SP3: variants seen among roughly 807,000 people sequenced by gnomAD.
The protein encoded by SP3 is transcription factor Sp3.
A neutral mutation model predicts 70.3 loss-of-function variants in SP3; 10 were observed. That is an observed-to-expected ratio of 0.14 (90% CI 0.09 to 0.24). The LOEUF is 0.24. Ranked by LOEUF, SP3 falls within the 10% of genes least tolerant of loss-of-function variation. The probability of loss-of-function intolerance (pLI) is 1.00; values close to 1 mark genes in which losing one functional copy is unlikely to be tolerated. For missense variants in SP3, 825 were observed against 914.6 expected, an observed-to-expected ratio of 0.90 and a Z score of 1.26; for synonymous variants, 402 against 333.5, an observed-to-expected ratio of 1.21 and a Z score of -2.24.
At chr2:173,934,153 T>C (rs1559098822) in intron 4 of SP3, among the ~76,000 whole-genome samples, 1 of 151,690 alleles carries the variant, frequency 6.6e-6, no homozygotes, top group Non-Finnish European at 1.5e-5. Context: ...CACAGTAGGA[T>C]CACATGAGCC....
At chr2:173,933,668 ATAT>A (rs2105475150) in intron 4 of SP3, among the ~76,000 whole-genome samples, 1 of 141,980 alleles carries the variant, frequency 7.0e-6, no homozygotes, top group African/African-American at 2.6e-5. Context: ...ATATATATAT[ATAT>A]AAAAGTTATA....
intron 3 of SP3, among the ~76,000 whole-genome samples, chr2:173,960,311 A>T (rs1489925142): frequency 6.6e-6 from 1 of 152,240 alleles, no homozygotes; most frequent in Non-Finnish European, 1.5e-5. Context: ...ATTGCATAGC[A>T]TTTGGAAATG....
chr2:173,954,743 CAT>C (rs1380846015), intron 4 of SP3, 128 bp downstream of exon 4: 12 of 836,426 alleles, frequency 1.4e-5, no homozygotes, highest in Middle Eastern at 2.7e-4. Flanking sequence ...TTCATACAAA[CAT>C]ATTTTCATAC....
intron 4 of SP3, among the ~76,000 whole-genome samples, chr2:173,951,959 T>C (rs1343244439): frequency 2.6e-5 from 4 of 152,212 alleles, no homozygotes; most frequent in East Asian, 1.9e-4. Context: ...ATCCATCTCA[T>C]CAGAAAAATA....
intron 4 of SP3, among the ~76,000 whole-genome samples, chr2:173,922,486 T>C (rs1015488344): frequency 3.3e-5 from 5 of 151,814 alleles, no homozygotes; most frequent in Non-Finnish European, 5.9e-5. Context: ...GGAGTTCAGG[T>C]AGAAATCTGG....
chr2:173,933,295 T>C (rs932729997), intron 4 of SP3, among the ~76,000 whole-genome samples: 2 of 152,190 alleles, frequency 1.3e-5, no homozygotes, highest in Non-Finnish European at 2.9e-5. Context: ...TTGTATTTTA[T>C]TACACTTACA....
chr2:173,961,147 A>G (rs1227082791), intron 3 of SP3, among the ~76,000 whole-genome samples: 1 of 152,236 alleles, frequency 6.6e-6, no homozygotes, highest in African/African-American at 2.4e-5. Flanking sequence ...CCACAACTTA[A>G]GTACAAAGGA....
intron 4 of SP3, among the ~76,000 whole-genome samples, chr2:173,933,662 A>ATATATATATATATATC (rs1241514761): frequency 7.0e-6 from 1 of 143,090 alleles, no homozygotes; most frequent in Non-Finnish European, 1.5e-5. Context: ...ATATATATAT[A>ATATATATATATATATC]TATATATATA....
At chr2:173,942,957 G>A (rs1353002142) in intron 4 of SP3, among the ~76,000 whole-genome samples, 1 of 152,082 alleles carries the variant, frequency 6.6e-6, no homozygotes, top group African/African-American at 2.4e-5. Flanking sequence ...GTAACTAAGA[G>A]ATGATTTAAA....
chr2:173,918,970 T>C lies in SP3; in HGVS notation c.1640-185A>G, dbSNP rs371594811. Among the ~76,000 whole-genome samples the C allele has an allele frequency of 2.6e-5, 4 of 152,154 alleles. No homozygotes were observed. The South Asian group carries it at 6.2e-4, about 24-fold the overall frequency. On this transcript the variant is annotated intron_variant, in intron 4 of 6. Transcript: ENST00000310015. ...CTATTCTTCAAGACTAGTTGGAGAG[T>C]AATCTCCTGTATAAATGCTTATAGT...
chr2:173,912,397 C>G (rs189460505), intron 6 of SP3, among the ~76,000 whole-genome samples: 2 of 152,306 alleles, frequency 1.3e-5, no homozygotes, highest in East Asian at 3.9e-4. Flanking sequence ...TCCAAGCTCT[C>G]TAGGGATTGT....
intron 3 of SP3, among the ~76,000 whole-genome samples, chr2:173,962,116 A>G (rs567227734): frequency 6.6e-6 from 1 of 152,274 alleles, no homozygotes; most frequent in Non-Finnish European, 1.5e-5. Flanking sequence ...CTGAAGAAGC[A>G]TGGAAACTTC....
intron 4 of SP3, among the ~76,000 whole-genome samples, chr2:173,925,477 T>C (rs1689888307): frequency 6.6e-6 from 1 of 152,158 alleles, no homozygotes. Context: ...AGATGAAAAA[T>C]TCTAGAGATG....
intron 4 of SP3, among the ~76,000 whole-genome samples, chr2:173,936,757 C>T (rs779038945): frequency 2.0e-5 from 3 of 151,962 alleles, no homozygotes; most frequent in South Asian, 2.1e-4. Context: ...TAATATCTTA[C>T]GAACCATTTT....
chr2:173,963,805 C>T lies in SP3; in HGVS notation c.235G>A (p.Glu79Lys). Residue 79 changes from glutamate (E) to lysine (K), a missense_variant, in exon 3 of 7, where the codon GAG becomes AAG. Around this residue, in one of 4 missense-constraint regions of SP3, gnomAD observed 678 missense variants for 651.6 expected, o/e 1.04. Transcript: ENST00000310015. ...IGPPSPGDDE[E>K]EAAAAAGAPA... ...GCCCCGGCTGCGGCGGCCGCCTCCT[C>T]CTCGTCGTCGCCCGGCGATGGCGGC... The T allele has an allele frequency of 6.9e-7, 1 of 1,453,818 alleles. No homozygotes were observed. Among genetic ancestry groups the T allele is most frequent in the Non-Finnish European group, 9.1e-7 (1 of 1,092,910 alleles). The allele number at this position is 1,453,818 out of a possible 1,614,324, so 90.1% of individuals were successfully genotyped here.
chr2:173,904,330 T>C lies in SP3; in HGVS notation c.*5611A>G, dbSNP rs1559084822. On this transcript the variant is annotated 3_prime_UTR_variant, in exon 7 of 7. Coordinates refer to ENST00000310015, the MANE Select transcript of SP3 (RefSeq NM_003111.5). ...CTATAGGATCAAGTCATCAACTCTA[T>C]GGTGTTTTACGAGAGAATATACTGT... Among the ~76,000 whole-genome samples the C allele has an allele frequency of 6.6e-6, 1 of 152,094 alleles. No homozygotes were observed. The highest frequency in any genetic ancestry group is 2.4e-5 in the African/African-American group (1 of 41,418).
chr2:173,935,843 A>G (rs1040349656), intron 4 of SP3, among the ~76,000 whole-genome samples: 1 of 151,880 alleles, frequency 6.6e-6, no homozygotes, highest in East Asian at 1.9e-4. Flanking sequence ...TGCCAATGAT[A>G]TAACTTTAAA....
intron 1 of SP3, 192 bp downstream of exon 1, chr2:173,964,973 C>T (rs1183122954): frequency 4.4e-6 from 3 of 680,216 alleles, no homozygotes; most frequent in Non-Finnish European, 6.9e-6. Context: ...GACGGCGTTG[C>T]TGGGGCTTCG....
intron 4 of SP3, among the ~76,000 whole-genome samples, chr2:173,927,555 G>C (rs193113642): frequency 6.6e-6 from 1 of 152,110 alleles, no homozygotes; most frequent in Non-Finnish European, 1.5e-5. Context: ...TGGGATTACA[G>C]GAATGAGCCA....
Sources: allele counts gnomAD v4.1 joint callset (sites outside exome capture counted in the v4.1 genomes callset), GRCh38; gene constraint gnomAD v4.1.1; regional missense constraint gnomAD v4.1.1; transcripts MANE v1.5; gene names NCBI Gene and HGNC (gene_info 2026-07-23, HGNC 2026-07-21).